The following NRXN3 variants were observed in gnomAD, a reference collection of about 807,000 sequenced individuals.
NRXN3 encodes neurexin 3.
NRXN3 carries 32 observed loss-of-function variants against 137.6 expected under a neutral mutation model. The ratio of observed to expected loss-of-function variants is 0.23; its 90% confidence interval spans 0.18 to 0.31. The LOEUF (loss-of-function observed/expected upper bound fraction) is 0.31, where lower values mean the gene tolerates loss of function less well. Ranked by LOEUF, NRXN3 falls within the 10% of genes least tolerant of loss-of-function variation. NRXN3 has a pLI of 1.00. For missense variants in NRXN3, 1,574 were observed against 2,062.5 expected (o/e 0.76, Z 4.59); for synonymous variants, 798 against 784.5 (o/e 1.02, Z -0.29).
At chr14:78,497,194 G>A (rs1213709706) in intron 4 of NRXN3, among the ~76,000 whole-genome samples, 1 of 152,120 alleles carries the variant, frequency 6.6e-6, no homozygotes, top group Non-Finnish European at 1.5e-5. Flanking sequence ...GGTATGTGGT[G>A]CCTAGGAAAA....
intron 15 of NRXN3, among the ~76,000 whole-genome samples, chr14:79,097,285 TG>T (rs1437646497): frequency 6.6e-6 from 1 of 152,140 alleles, no homozygotes; most frequent in Non-Finnish European, 1.5e-5. Context: ...ATCCCAGTTT[TG>T]AGAAAAGCTA....
chr14:79,016,913 G>A (rs955601287), intron 15 of NRXN3, among the ~76,000 whole-genome samples: 1 of 152,146 alleles, frequency 6.6e-6, no homozygotes, highest in African/African-American at 2.4e-5. Context: ...CCACAGAGTA[G>A]ACTCCAGAGT....
intron 15 of NRXN3, among the ~76,000 whole-genome samples, chr14:79,067,402 T>C (rs564598826): frequency 6.6e-6 from 1 of 152,298 alleles, no homozygotes; most frequent in East Asian, 1.9e-4. Context: ...TCAATATTTA[T>C]CAAGTATATT....
chr14:78,957,647 CA>C (rs1420312346), intron 11 of NRXN3, among the ~76,000 whole-genome samples: 1 of 152,158 alleles, frequency 6.6e-6, no homozygotes, highest in East Asian at 1.9e-4. Flanking sequence ...TAGGGTTCTA[CA>C]GATCCTTTTA....
intron 14 of NRXN3, among the ~76,000 whole-genome samples, chr14:78,987,112 A>G (rs969967809): frequency 6.6e-6 from 1 of 151,740 alleles, no homozygotes; most frequent in African/African-American, 2.4e-5. Context: ...TTCAGACTGC[A>G]TTTGAATGTC....
chr14:78,581,834 A>G (rs1289438592), intron 4 of NRXN3, among the ~76,000 whole-genome samples: 1 of 152,234 alleles, frequency 6.6e-6, no homozygotes, highest in Non-Finnish European at 1.5e-5. Context: ...AGAGAAAGAA[A>G]GAATCAACAG....
intron 15 of NRXN3, among the ~76,000 whole-genome samples, chr14:79,336,965 T>C (rs537555693): frequency 2.0e-5 from 3 of 152,332 alleles, no homozygotes; most frequent in African/African-American, 7.2e-5. Context: ...TTCTTTCTTA[T>C]GACCTTGGCC....
At chr14:79,402,735 T>C (rs555662913) in intron 15 of NRXN3, among the ~76,000 whole-genome samples, 1 of 152,324 alleles carries the variant, frequency 6.6e-6, no homozygotes, top group Non-Finnish European at 1.5e-5. Flanking sequence ...AACAGCCTTT[T>C]GATTTGTTCA....
chr14:79,302,643 G>A (rs779449266), intron 15 of NRXN3, among the ~76,000 whole-genome samples: 5 of 151,902 alleles, frequency 3.3e-5, no homozygotes, highest in Non-Finnish European at 5.9e-5. Context: ...ATTGGATCAT[G>A]AGGGCAGTTT....
intron 8 of NRXN3, among the ~76,000 whole-genome samples, chr14:78,752,338 C>A (rs547099137): frequency 2.0e-5 from 3 of 152,316 alleles, no homozygotes; most frequent in East Asian, 1.9e-4. Flanking sequence ...ATCACTTGAA[C>A]CCAGGAGGCG....
Position 79,654,848 on chromosome 14 carries a change from A to G in NRXN3, c.3445-8930A>G, listed in dbSNP as rs189567095. On this transcript the variant is annotated intron_variant, in intron 16 of 20. Coordinates refer to ENST00000335750, the MANE Select transcript of NRXN3 (RefSeq NM_001330195.2). The stretch of plus-strand genomic sequence containing the variant: ...CTTGGTTGGTGTTTATTATTCATGT[A>G]GGTCCATTTACCTTGAAGCCATAAT... Among the ~76,000 whole-genome samples the G allele has an allele frequency of 2.0e-3, 299 of 152,318 alleles. 1 individual carries two copies. Among genetic ancestry groups the G allele is most frequent in the African/African-American group, 6.6e-3 (276 of 41,566 alleles).
chr14:79,099,690 A>G (rs2050931183), intron 15 of NRXN3, among the ~76,000 whole-genome samples: 1 of 152,200 alleles, frequency 6.6e-6, no homozygotes, highest in Non-Finnish European at 1.5e-5. Flanking sequence ...TGACTGTAAT[A>G]AAAAGTGCAA....
chr14:79,834,949 G>A (rs1051520371), intron 20 of NRXN3, among the ~76,000 whole-genome samples: 13 of 151,842 alleles, frequency 8.6e-5, no homozygotes, highest in African/African-American at 1.9e-4. Flanking sequence ...TTCCCGACCC[G>A]CCACCCCAAC....
At chr14:78,460,795 G>T (rs1449714130) in intron 4 of NRXN3, among the ~76,000 whole-genome samples, 1 of 138,414 alleles carries the variant, frequency 7.2e-6, no homozygotes, top group Non-Finnish European at 1.6e-5. Flanking sequence ...ATGCCCGGTG[G>T]TCTATGATAT....
chr14:79,736,972 A>G (rs2192424), intron 19 of NRXN3, among the ~76,000 whole-genome samples: 97,794 of 152,094 alleles, frequency 0.64, 32,525 homozygotes, highest in Middle Eastern at 0.79. Context: ...ATTTTGACTC[A>G]AAAATGAACA....
intron 10 of NRXN3, among the ~76,000 whole-genome samples, chr14:78,948,854 T>A (rs1352403272): frequency 1.3e-5 from 2 of 152,124 alleles, no homozygotes; most frequent in African/African-American, 2.4e-5. Flanking sequence ...AACTCAGGGA[T>A]GTAAACATGG....
intron 19 of NRXN3, among the ~76,000 whole-genome samples, chr14:79,753,003 A>G (rs2099003965): frequency 6.6e-6 from 1 of 151,724 alleles, no homozygotes; most frequent in African/African-American, 2.4e-5. Context: ...AGAAATGCAA[A>G]TCAAAACCAC....
intron 1 of NRXN3, among the ~76,000 whole-genome samples, chr14:78,230,203 T>G (rs1396480771): frequency 6.6e-6 from 1 of 152,020 alleles, no homozygotes; most frequent in African/African-American, 2.4e-5. Context: ...TTTTGTATTT[T>G]TAGTAGAGAC....
In NRXN3 at chr14:79,221,580, C is replaced by T. The variant is rs1261170590; in HGVS notation, c.3262+233439C>T. On this transcript the variant is annotated intron_variant, in intron 15 of 20. Transcript: ENST00000335750. Reference sequence around the variant, plus strand: ...GAGAAGTGTCTGCTCATATCCTTCACCTACTTTGTGATGGGGTTGTTTGTT... The same window carrying T: ...GAGAAGTGTCTGCTCATATCCTTCATCTACTTTGTGATGGGGTTGTTTGTT... 2.0e-5 allele frequency among the ~76,000 whole-genome samples: 3 copies of T among 152,158 alleles called. 1 individual carries two copies. The South Asian group carries it at 6.2e-4, about 31-fold the overall frequency.
Sources: gnomAD v4.1 joint callset for allele counts (sites outside exome capture counted in the v4.1 genomes callset) on GRCh38, gnomAD v4.1.1 for gene constraint, MANE v1.5 for transcripts, NCBI Gene and HGNC (gene_info 2026-07-23, HGNC 2026-07-21) for gene names.